MVP: variants seen among roughly 807,000 people sequenced by gnomAD.
The protein encoded by MVP is major vault protein, also known as lung resistance-related protein.
In MVP, 62 loss-of-function variants were observed where a neutral mutation model predicts 83.5. The ratio of observed to expected loss-of-function variants is 0.74; its 90% confidence interval spans 0.61 to 0.92. The LOEUF (loss-of-function observed/expected upper bound fraction) is 0.92. Among genes scored for constraint, MVP ranks in the 40% least tolerant of loss-of-function variants. The pLI is 0.00. For synonymous variants in MVP, 505 were observed against 504.1 expected, an observed-to-expected ratio of 1.00 and a Z score of -0.02; for missense variants, 1,000 against 1,203.4, an observed-to-expected ratio of 0.83 and a Z score of 2.50.
At chr16:29,845,776 C>T (rs972883187) in intron 11 of MVP, 87 bp from the exon 12 acceptor site, 14 of 1,195,778 alleles carry the variant, frequency 1.2e-5, no homozygotes, top group African/African-American at 6.1e-5. Context: ...TCCTGGGCAC[C>T]GGTTTGGTTG....
chr16:29,841,956 A>G lies in MVP; in HGVS notation c.1478A>G (p.Glu493Gly). The G allele has an allele frequency of 6.2e-7, 1 of 1,612,726 alleles. No individual in the cohort carries two copies. The highest frequency in any genetic ancestry group is 8.5e-7 in the Non-Finnish European group (1 of 1,179,994). ...GAGCTGGTGTCGCTGGGTCCTGAGG[A>G]GCAGTTCACAGTGTTGTCCCTCTCA... The part of the protein sequence containing the change: ...GPELVSLGPE[E>G]QFTVLSLSAG... The change falls in exon 10 of 15, where the codon GAG (glutamate) becomes GGG (glycine). Residue 493 changes from glutamate (E) to glycine (G), a missense_variant. Glu to Gly is a moderately conservative substitution (Grantham distance 98). Coordinates refer to ENST00000357402, the MANE Select transcript of MVP (RefSeq NM_005115.5). This position sits in a 1 kb window ranked among gnomAD's most constrained non-coding sequence, Gnocchi z 4.7.
At chr16:29,823,122 CTTTTTT>C (rs66512916) in intron 1 of MVP, among the ~76,000 whole-genome samples, 14 of 98,484 alleles carry the variant, frequency 1.4e-4, no homozygotes, top group Non-Finnish European at 2.3e-4. Context: ...CTTTTCTTTT[CTTTTTT>C]TTTTTTTTTT....
At chr16:29,843,474 AACAGAGACCC>A (rs1418331233) in intron 10 of MVP, among the ~76,000 whole-genome samples, 1 of 139,998 alleles carries the variant, frequency 7.1e-6, no homozygotes, top group Non-Finnish European at 1.5e-5. Context: ...CAGCCTGGAC[AACAGAGACCC>A]ACAGAGACCC....
Position 29,826,800 on chromosome 16 carries a change from G to A in MVP, c.-35-3715G>A, listed in dbSNP as rs1386108373. ...AAGTTAGCTGGGCATGGTGGCAGGC[G>A]CTTGTAGTCCCAGCTACTTGGGAGG... On this transcript the variant is annotated intron_variant, in intron 1 of 14. Transcript: ENST00000357402. Among the ~76,000 whole-genome samples the A allele has an allele frequency of 1.3e-4, 20 of 150,906 alleles. 2 individuals carry two copies. The highest frequency in any genetic ancestry group is 9.9e-4 in the Admixed American group (15 of 15,102).
rs918876114 is a variant in MVP at position 29,833,726 on chromosome 16, C to T, written c.322-7C>T. 1.2e-6 allele frequency: 2 copies of T among 1,613,760 alleles called. No homozygotes were observed. The highest frequency in any genetic ancestry group is 1.7e-5 in the Admixed American group (1 of 59,954). Reference sequence around the variant, plus strand: ...TGGTTCTGTGTCTCCACCTTCTTCCCCACTAGGACATCACACCCCTGCAGG... The same window carrying T: ...TGGTTCTGTGTCTCCACCTTCTTCCTCACTAGGACATCACACCCCTGCAGG... On this transcript the variant is annotated splice_polypyrimidine_tract_variant and splice_region_variant and intron_variant, in intron 3 of 14. Coordinates refer to ENST00000357402, the MANE Select transcript of MVP (RefSeq NM_005115.5).
At chr16:29,839,971 C>T in intron 7 of MVP, 3 of 524,158 alleles carry the variant, frequency 5.7e-6, no homozygotes, top group Admixed American at 6.8e-5. Flanking sequence ...TTCAAGGACA[C>T]ATTTGACCAG....
chr16:29,831,515 C>G (rs2067442117), intron 3 of MVP: 3 of 440,188 alleles, frequency 6.8e-6, no homozygotes, highest in South Asian at 4.8e-5. Flanking sequence ...GAGACACTTG[C>G]TGGCTCTCAC....
In MVP at chr16:29,841,781, C is replaced by T; in HGVS notation, c.1377C>T (p.Ser459=). ...CCCGGAACAAGACCCGTGTGGTCAG[C>T]TACCGCGTGCCCCACAACGCTGCGG... is the stretch of plus-strand genomic sequence containing the variant. ...LAPRNKTRVV[S]YRVPHNAAVQ... is the part of the protein sequence containing the mutation. Residue 459 remains serine (S), a synonymous_variant, in exon 9 of 15, where the codon AGC becomes AGT. Coordinates refer to ENST00000357402, the MANE Select transcript of MVP (RefSeq NM_005115.5). This position sits in a 1 kb window ranked among gnomAD's most constrained non-coding sequence, Gnocchi z 4.7. 1.2e-6 allele frequency: 2 copies of T among 1,613,544 alleles called. No homozygotes were observed. Among genetic ancestry groups the T allele is most frequent in the Non-Finnish European group, 1.7e-6 (2 of 1,180,010 alleles).
Position 29,841,307 on chromosome 16 carries a change from C to T in MVP, c.1192-289C>T, listed in dbSNP as rs1310273576. On this transcript the variant is annotated intron_variant, in intron 8 of 14. Coordinates refer to ENST00000357402, the MANE Select transcript of MVP (RefSeq NM_005115.5). The surrounding 1 kb of genome is among the most constrained non-coding windows in gnomAD (Gnocchi z 4.7). ...TTGAGCACCTTCTCTATGCCAAGAG[C>T]TGTTTGAGCTAGACATGTGAAGATG... 6.6e-6 allele frequency among the ~76,000 whole-genome samples: 1 copy of T among 152,164 alleles called. No homozygotes were observed. Among genetic ancestry groups the T allele is most frequent in the Non-Finnish European group, 1.5e-5 (1 of 68,036 alleles).
chr16:29,832,245 A>G (rs1395865668), intron 3 of MVP, among the ~76,000 whole-genome samples: 1 of 151,782 alleles, frequency 6.6e-6, no homozygotes, highest in Non-Finnish European at 1.5e-5. Context: ...GATTAAGACA[A>G]TAACCCTTAA....
rs1159846801 is a variant in MVP, at chr16:29,839,578, T to C, written c.910-600T>C. ...TGGGTAGATCGCTTGAGTCTAGGAC[T>C]TTGAGACCAGCTTAGGCAGCATGGC... On this transcript the variant is annotated intron_variant, in intron 7 of 14. Coordinates refer to ENST00000357402, the MANE Select transcript of MVP (RefSeq NM_005115.5). Among the ~76,000 whole-genome samples, 4 of 151,956 alleles carry C rather than the reference T, an allele frequency of 2.6e-5. No homozygotes were observed. In the East Asian group the frequency reaches 7.7e-4, roughly 29 times the overall value.
chr16:29,825,308 C>A (rs2067397095), intron 1 of MVP, among the ~76,000 whole-genome samples: 1 of 152,188 alleles, frequency 6.6e-6, no homozygotes, highest in African/African-American at 2.4e-5. Context: ...GAGCAGGGGC[C>A]AAGCCTGAGG....
chr16:29,833,491 T>TTTTTG, intron 3 of MVP: 2 of 188,378 alleles, frequency 1.1e-5, no homozygotes, highest in Non-Finnish European at 2.0e-5. Flanking sequence ...TTTTTTTTTT[T>TTTTTG]AGAGATGGGA....
At chr16:29,843,562 GAGGGAGGGAGGGAGGGAGGA>G (rs1567395378) in intron 10 of MVP, among the ~76,000 whole-genome samples, 3 of 49,930 alleles carry the variant, frequency 6.0e-5, no homozygotes, top group Non-Finnish European at 1.2e-4. Context: ...GGGAGGGAGG[GAGGGAGGGAGGGAGGGAGGA>G]AGGGAGGAAG....
rs146078848 is a variant in MVP at position 29,844,647 on chromosome 16, C to T, written c.1789C>T (p.Arg597Cys). The change falls in exon 11 of 15, where the codon CGC becomes TGC. Residue 597 changes from arginine to cysteine, a missense_variant. By Grantham distance (180) the Arg-to-Cys change is radical. Transcript: ENST00000357402. ...CGATGACTTCCATAAGAACTCAGCCCGCATCATTCGCACTGCTGTCTTTGG... is the reference window on the plus strand; with the variant it reads ...CGATGACTTCCATAAGAACTCAGCCTGCATCATTCGCACTGCTGTCTTTGG... The part of the protein sequence containing the change: ...TFDDFHKNSA[R>C]IIRTAVFGFE... 1.4e-5 allele frequency: 23 copies of T among 1,614,150 alleles called. No individual in the cohort carries two copies. The highest frequency in any genetic ancestry group is 1.1e-4 in the African/African-American group (8 of 75,068).
Position 29,844,735 on chromosome 16 carries a change from C to T in MVP, c.1877C>T (p.Ala626Val), listed in dbSNP as rs1322190301. 12 of 1,613,160 alleles carry T rather than the reference C, an allele frequency of 7.4e-6. No individual in the cohort carries two copies. Among genetic ancestry groups the T allele is most frequent in the Non-Finnish European group, 1.0e-5 (12 of 1,179,996 alleles). Residue 626 changes from alanine to valine, a missense_variant, in exon 11 of 15, where the codon GCT (alanine) becomes GTT (valine). Physicochemically the swap from Ala to Val is moderately conservative, Grantham distance 64. Transcript: ENST00000357402. ...GCCCTGCCCAGGCCCCGGGACCAGG[C>T]TGTCTTCCCCCAAAACGGGCTGGTG... is the stretch of plus-strand genomic sequence containing the variant. ...GMALPRPRDQ[A>V]VFPQNGLVVS...
intron 1 of MVP, among the ~76,000 whole-genome samples, chr16:29,828,435 A>G (rs2067418623): frequency 6.6e-6 from 1 of 152,008 alleles, no homozygotes; most frequent in Non-Finnish European, 1.5e-5. Context: ...GCTGGAGTGC[A>G]ATGGCACGAT....
At chr16:29,843,630 T>C (rs1390663039) in intron 10 of MVP, among the ~76,000 whole-genome samples, 3 of 134,816 alleles carry the variant, frequency 2.2e-5, no homozygotes, top group African/African-American at 8.9e-5. Flanking sequence ...CTCATGCCTG[T>C]AATCACAGCA....
rs2067534428 is a variant in MVP, at chr16:29,841,552, C to T, written c.1192-44C>T. 6.5e-7 allele frequency: 1 copy of T among 1,534,872 alleles called. No homozygotes were observed. The highest frequency in any genetic ancestry group is 8.8e-7 in the Non-Finnish European group (1 of 1,140,996). ...GGGACAGCTGGGCGGATCTTCCTCC[C>T]TTCCACCCTTACGGGCAGCTTCCCT... is the stretch of plus-strand genomic sequence containing the variant. On this transcript the variant is annotated intron_variant, in intron 8 of 14. Transcript: ENST00000357402. This position sits in a 1 kb window ranked among gnomAD's most constrained non-coding sequence, Gnocchi z 4.7.
Sources: allele counts gnomAD v4.1 joint callset (sites outside exome capture counted in the v4.1 genomes callset), GRCh38; gene constraint gnomAD v4.1.1; non-coding constraint Gnocchi (gnomAD v3.1); transcripts MANE v1.5; gene names NCBI Gene and HGNC (gene_info 2026-07-23, HGNC 2026-07-21).